Variants in SLC44A1 observed in about 807,000 individuals in gnomAD.
SLC44A1 encodes solute carrier family 44 member 1, also known as choline transporter-like protein 1.
In SLC44A1, 26 loss-of-function variants were observed where a neutral mutation model predicts 79.3. The observed-to-expected ratio is 0.33, with a 90% CI of 0.24 to 0.46. SLC44A1 has a LOEUF of 0.46. SLC44A1 is among the 20% of genes least tolerant of loss of function. SLC44A1 has a pLI of 1.00. For missense variants in SLC44A1, 688 were observed against 798.1 expected, an observed-to-expected ratio of 0.86 and a Z score of 1.66; for synonymous variants, 263 against 286.2, an observed-to-expected ratio of 0.92 and a Z score of 0.82.
At chr9:105,386,388 A>G in intron 15 of SLC44A1, 1 of 975,932 alleles carries the variant, frequency 1.0e-6, no homozygotes, top group Non-Finnish European at 1.2e-6. Context: ...ATAATTTTAA[A>G]CAATGTGTCC....
intron 3 of SLC44A1, among the ~76,000 whole-genome samples, chr9:105,315,999 A>G (rs1831313554): frequency 6.6e-6 from 1 of 152,206 alleles, no homozygotes; most frequent in African/African-American, 2.4e-5. Context: ...GAATACTAAA[A>G]TAACAAGCGA....
chr9:105,271,715 G>A (rs1281612133), intron 1 of SLC44A1, among the ~76,000 whole-genome samples: 2 of 152,178 alleles, frequency 1.3e-5, no homozygotes, highest in East Asian at 3.9e-4. Context: ...CCAGGTTCAA[G>A]TGATTCTCCT....
At chr9:105,348,327 C>A in intron 4 of SLC44A1, 31 bp from the exon 5 acceptor site, 1 of 1,223,076 alleles carries the variant, frequency 8.2e-7, no homozygotes, top group South Asian at 1.3e-5. Context: ...TCAGACTGTT[C>A]TGCCACCTAA....
chr9:105,414,087 G>C (rs1040200506), intron 15 of SLC44A1, among the ~76,000 whole-genome samples: 1 of 149,626 alleles, frequency 6.7e-6, no homozygotes, highest in Non-Finnish European at 1.5e-5. Flanking sequence ...TTTTGAGACA[G>C]AGTCTTGCTC....
At position 105,390,173 on chromosome 9, in the gene SLC44A1, G is replaced by A; in HGVS notation, c.*1117G>A. 3 of 1,194,718 alleles carry A rather than the reference G, an allele frequency of 2.5e-6. No individual in the cohort carries two copies. Among genetic ancestry groups the A allele is most frequent in the Non-Finnish European group, 3.1e-6 (3 of 962,542 alleles). 74.0% of individuals were successfully genotyped at this position (1,194,718 alleles called of 1,614,324 possible). A position where few individuals can be genotyped will look rare whatever the true frequency, so the allele number is the denominator to read the frequency against. On this transcript the variant is annotated 3_prime_UTR_variant, in exon 16 of 16. Coordinates refer to ENST00000374720, the MANE Select transcript of SLC44A1 (RefSeq NM_080546.5). ...CAGTGTGACTGTTGTTTTTGTTTGGGGGTGGGTTTGGGGTTTTTTGCTTTT... is the reference window on the plus strand; with the variant it reads ...CAGTGTGACTGTTGTTTTTGTTTGGAGGTGGGTTTGGGGTTTTTTGCTTTT...
intron 15 of SLC44A1, among the ~76,000 whole-genome samples, chr9:105,430,449 C>A (rs964783929): frequency 6.6e-6 from 1 of 152,134 alleles, no homozygotes; most frequent in African/African-American, 2.4e-5. Context: ...CCTCACCCAG[C>A]CCCTGGAAAC....
intron 1 of SLC44A1, among the ~76,000 whole-genome samples, chr9:105,268,495 T>G (rs1297477226): frequency 6.6e-6 from 1 of 152,192 alleles, no homozygotes; most frequent in Non-Finnish European, 1.5e-5. Context: ...ATCTGAGTTC[T>G]ATTTTAACGA....
In SLC44A1 at chr9:105,383,225, G is replaced by A; in HGVS notation, c.1735G>A (p.Ala579Thr). The A allele has an allele frequency of 6.2e-7, 1 of 1,614,064 alleles. No individual in the cohort carries two copies. Among genetic ancestry groups the A allele is most frequent in the Non-Finnish European group, 8.5e-7 (1 of 1,179,964 alleles). The change falls in exon 14 of 16, where the codon GCT becomes ACT. Residue 579 changes from alanine to threonine, a missense_variant. Transcript: ENST00000374720. ...VLPLIIVCLF[A>T]FLVAHCFLSI... ...GCCTCTGATCATCGTCTGCCTCTTT[G>A]CTTTCCTAGTCGCTCATTGCTTCCT...
At chr9:105,340,505 A>G (rs939952494) in intron 4 of SLC44A1, among the ~76,000 whole-genome samples, 5 of 152,238 alleles carry the variant, frequency 3.3e-5, no homozygotes, top group African/African-American at 1.2e-4. Context: ...ACTGCACTGT[A>G]CACTTACAAA....
intron 7 of SLC44A1, among the ~76,000 whole-genome samples, chr9:105,359,211 C>T (rs1827710023): frequency 6.6e-6 from 1 of 151,920 alleles, no homozygotes. Context: ...GTCCTTTTTC[C>T]ATAAAGTAGT....
intron 3 of SLC44A1, among the ~76,000 whole-genome samples, chr9:105,331,986 C>G (rs1826763823): frequency 6.6e-6 from 1 of 152,074 alleles, no homozygotes; most frequent in Admixed American, 6.6e-5. Flanking sequence ...ACCTACACAC[C>G]CAACAAATGT....
chr9:105,316,718 C>A (rs1588771199), intron 3 of SLC44A1, among the ~76,000 whole-genome samples: 1 of 152,140 alleles, frequency 6.6e-6, no homozygotes, highest in East Asian at 1.9e-4. Flanking sequence ...CTATTGAAAG[C>A]TGAGTGACTC....
At chr9:105,317,525 G>T (rs909425382) in intron 3 of SLC44A1, among the ~76,000 whole-genome samples, 1 of 152,102 alleles carries the variant, frequency 6.6e-6, no homozygotes, top group Non-Finnish European at 1.5e-5. Context: ...TGGACGAAGA[G>T]GTGACTAGAT....
At chr9:105,257,665 T>G (rs546933380) in intron 1 of SLC44A1, among the ~76,000 whole-genome samples, 4 of 152,224 alleles carry the variant, frequency 2.6e-5, no homozygotes, top group Non-Finnish European at 4.4e-5. Flanking sequence ...GGAGTTGGCT[T>G]CCTGAAAATG....
intron 4 of SLC44A1, among the ~76,000 whole-genome samples, chr9:105,344,399 G>A (rs945524300): frequency 6.6e-6 from 1 of 152,138 alleles, no homozygotes; most frequent in African/African-American, 2.4e-5. Context: ...TGTCACACTG[G>A]GTGAGAGCTT....
chr9:105,399,316 G>A (rs1441772099), downstream of SLC44A1, among the ~76,000 whole-genome samples: 1 of 152,192 alleles, frequency 6.6e-6, no homozygotes, highest in Non-Finnish European at 1.5e-5. Context: ...AGACTAGAGA[G>A]GCAACAGTAA....
chr9:105,250,693 C>A (rs1829563020), intron 1 of SLC44A1, among the ~76,000 whole-genome samples: 1 of 152,074 alleles, frequency 6.6e-6, no homozygotes, highest in South Asian at 2.1e-4. Flanking sequence ...AATCTCTTGT[C>A]CTTTCTGTAG....
At chr9:105,257,511 T>C (rs1482906076) in intron 1 of SLC44A1, among the ~76,000 whole-genome samples, 1 of 152,202 alleles carries the variant, frequency 6.6e-6, no homozygotes, top group Non-Finnish European at 1.5e-5. Flanking sequence ...ATTACAGGCA[T>C]GAGCTACCGT....
chr9:105,266,635 G>A (rs564259933), intron 1 of SLC44A1, among the ~76,000 whole-genome samples: 27 of 151,848 alleles, frequency 1.8e-4, no homozygotes, highest in Non-Finnish European at 3.1e-4. Flanking sequence ...ATCTATTTCA[G>A]AACTTTCTGT....
Sources: allele counts gnomAD v4.1 joint callset (sites outside exome capture counted in the v4.1 genomes callset), GRCh38; gene constraint gnomAD v4.1.1; transcripts MANE v1.5; gene names NCBI Gene and HGNC (gene_info 2026-07-23, HGNC 2026-07-21).